Variants in SMARCA1 observed in about 807,000 individuals in gnomAD.
SMARCA1 encodes the protein SNF2 related chromatin remodeling ATPase 1, also known as SWI/SNF-related matrix-associated actin-dependent regulator of chromatin subfamily A member 1.
In SMARCA1, 17 loss-of-function variants were observed where a neutral mutation model predicts 93.6. The observed-to-expected ratio is 0.18, with a 90% CI of 0.12 to 0.27. SMARCA1 has a LOEUF of 0.27. Ranked by LOEUF, SMARCA1 falls within the 10% of genes least tolerant of loss-of-function variation. The pLI is 1.00. For synonymous variants in SMARCA1, 271 were observed against 271.4 expected (o/e 1.00, Z 0.01); for missense variants, 630 against 819.0 (o/e 0.77, Z 2.82).
chrX:129,456,618 A>G (rs775449557), intron 23 of SMARCA1, among the ~76,000 whole-genome samples: 2 of 112,175 alleles, frequency 1.8e-5, no homozygotes, highest in Non-Finnish European at 3.8e-5. Flanking sequence ...CAATATTAAC[A>G]AGAGTTTAGA....
At position 129,499,235 on chromosome X, in the gene SMARCA1, T is replaced by A. The variant is rs1026857374; in HGVS notation, c.1277+497A>T. Among the ~76,000 whole-genome samples the A allele has an allele frequency of 3.8e-4, 42 of 110,949 alleles. No individual in the cohort carries two copies. The Admixed American group carries it at 3.9e-3, about 10-fold the overall frequency. On this transcript the variant is annotated intron_variant, in intron 10 of 24. Coordinates refer to ENST00000371121, the MANE Select transcript of SMARCA1 (RefSeq NM_001282874.2). ...TTTTTTATTTTTTGTAGAGATGGGG[T>A]CTCACTTTGTTGCCCAGGCTAGTCT...
chrX:129,523,221 CGTGGCCGCGGTGGCTTCG>C lies in SMARCA1; in HGVS notation c.132_149del (p.Ala46_Glu51del). On this transcript the variant is annotated inframe_deletion, in exon 1 of 25. Coordinates refer to ENST00000371121, the MANE Select transcript of SMARCA1 (RefSeq NM_001282874.2). ...CCTCCTTCTTCTTCTCGCCCTTCTCCGTGGCCGCGGTGGCTTCGGTGGCCGCGGCGGCCGCTCCCTCCT... is the reference window on the plus strand; with the variant it reads ...CCTCCTTCTTCTTCTCGCCCTTCTCCGTGGCCGCGGCGGCCGCTCCCTCCT... 2.5e-6 allele frequency: 3 copies of C among 1,211,497 alleles called. No individual in the cohort carries two copies. The highest frequency in any genetic ancestry group is 3.5e-5 in the African/African-American group (2 of 57,891).
At chrX:129,454,239 A>G (rs1320488492) in intron 23 of SMARCA1, among the ~76,000 whole-genome samples, 3 of 112,362 alleles carry the variant, frequency 2.7e-5, no homozygotes, top group African/African-American at 9.7e-5. Flanking sequence ...GGCTAGCCAT[A>G]TGCAGAAAAC....
chrX:129,467,640 T>C (rs1325506470), intron 21 of SMARCA1, among the ~76,000 whole-genome samples: 1 of 105,531 alleles, frequency 9.5e-6, no homozygotes, highest in Non-Finnish European at 1.9e-5. Flanking sequence ...AGAAGACTCT[T>C]TTAGATTTCC....
At position 129,490,196 on chromosome X, in the gene SMARCA1, G is replaced by A. The variant is rs776100294; in HGVS notation, c.1816-4C>T. On this transcript the variant is annotated splice_polypyrimidine_tract_variant and splice_region_variant and intron_variant, in intron 14 of 24. Transcript: ENST00000371121. ...GACCAATACGATGTGCTCGATCCTA[G>A]TAGAAAGAGTTCTAATGTAAGATAT... The A allele has an allele frequency of 1.7e-6, 2 of 1,164,159 alleles. No homozygotes were observed. The highest frequency in any genetic ancestry group is 2.3e-6 in the Non-Finnish European group (2 of 863,337).
At chrX:129,485,731 A>T (rs1280250653) in intron 17 of SMARCA1, among the ~76,000 whole-genome samples, 2 of 111,252 alleles carry the variant, frequency 1.8e-5, no homozygotes, top group Admixed American at 9.5e-5. Context: ...TCCTCGAGGT[A>T]ATGAGTGAGT....
At position 129,504,250 on chromosome X, in the gene SMARCA1, C is replaced by A. The variant is rs945099068; in HGVS notation, c.1167+484G>T. The stretch of plus-strand genomic sequence containing the variant: ...CCAAGATCATGCCACTGCACTCCAG[C>A]CTGGCATACAATGTGTTAAGGAGCC... On this transcript the variant is annotated intron_variant, in intron 9 of 24. Coordinates refer to ENST00000371121, the MANE Select transcript of SMARCA1 (RefSeq NM_001282874.2). Among the ~76,000 whole-genome samples, 3 of 112,040 alleles carry A rather than the reference C, an allele frequency of 2.7e-5. No homozygotes were observed. In the South Asian group the frequency reaches 1.1e-3, roughly 41 times the overall value.
At position 129,491,408 on chromosome X, in the gene SMARCA1, TA is replaced by T. The variant is rs928652780; in HGVS notation, c.1815+532del. The stretch of plus-strand genomic sequence containing the variant: ...GAAAGGTCAGAGAAACTTTGCTCCC[TA>T]AAAAAAAATGTTTTTAAGTGTAGAA... On this transcript the variant is annotated intron_variant, in intron 14 of 24. Coordinates refer to ENST00000371121, the MANE Select transcript of SMARCA1 (RefSeq NM_001282874.2). Among the ~76,000 whole-genome samples the T allele has an allele frequency of 1.9e-4, 21 of 109,722 alleles. No individual in the cohort carries two copies. The South Asian group carries it at 3.9e-3, about 20-fold the overall frequency.
intron 1 of SMARCA1, 104 bp from the exon 2 acceptor site, chrX:129,518,551 T>C: frequency 2.2e-6 from 1 of 445,291 alleles, no homozygotes; most frequent in South Asian, 4.3e-5. Context: ...CATAACTAAA[T>C]ATATAAATCA....
At chrX:129,449,096 G>A (rs909062919) in intron 23 of SMARCA1, among the ~76,000 whole-genome samples, 59 of 110,896 alleles carry the variant, frequency 5.3e-4, no homozygotes, top group African/African-American at 1.8e-3. Context: ...TGTTACTATT[G>A]GGGAAAACTG....
At chrX:129,513,774 A>C (rs1166718695) in intron 5 of SMARCA1, among the ~76,000 whole-genome samples, 1 of 109,497 alleles carries the variant, frequency 9.1e-6, no homozygotes, top group Non-Finnish European at 1.9e-5. Flanking sequence ...GAATACCTAA[A>C]TATAAGGAGC....
At chrX:129,507,221 T>G (rs1194756899) in intron 7 of SMARCA1, among the ~76,000 whole-genome samples, 1 of 111,523 alleles carries the variant, frequency 9.0e-6, no homozygotes, top group African/African-American at 3.3e-5. Flanking sequence ...CTTTTCCTAC[T>G]GTTGATGGAG....
chrX:129,481,309 C>T, intron 17 of SMARCA1, 124 bp from the exon 18 acceptor site: 1 of 462,359 alleles, frequency 2.2e-6, no homozygotes. Context: ...CAAAACTTGC[C>T]TTATAAATCA....
intron 10 of SMARCA1, among the ~76,000 whole-genome samples, chrX:129,498,310 T>C (rs1203451022): frequency 8.9e-6 from 1 of 112,074 alleles, no homozygotes; most frequent in Non-Finnish European, 1.9e-5. Context: ...AGTTGACAAT[T>C]ATTTAGAGAA....
chrX:129,475,061 G>A (rs750970095), intron 19 of SMARCA1, among the ~76,000 whole-genome samples: 2 of 109,747 alleles, frequency 1.8e-5, no homozygotes, highest in Non-Finnish European at 3.8e-5. Flanking sequence ...ACCCAGTCCC[G>A]GGTATGTCCT....
At chrX:129,479,458 A>T (rs1043099015) in intron 19 of SMARCA1, among the ~76,000 whole-genome samples, 148 of 109,849 alleles carry the variant, frequency 1.3e-3, no homozygotes, top group Non-Finnish European at 1.4e-3. Flanking sequence ...CACCCTAGAG[A>T]TCTACTCTAG....
At chrX:129,478,844 C>A (rs1407254557) in intron 19 of SMARCA1, among the ~76,000 whole-genome samples, 2 of 111,774 alleles carry the variant, frequency 1.8e-5, no homozygotes, top group African/African-American at 6.5e-5. Flanking sequence ...TAAACACAGT[C>A]CTTATTTAGG....
chrX:129,507,960 A>G lies in SMARCA1; in HGVS notation c.947T>C (p.Ile316Thr). The change falls in exon 7 of 25, where the codon ATA (isoleucine) becomes ACA (threonine). Residue 316 changes from isoleucine to threonine, a missense_variant. Around this residue, in one of 4 missense-constraint regions of SMARCA1, gnomAD observed 382 missense variants for 537.9 expected, o/e 0.71. Transcript: ENST00000371121. ...RYLVIDEAHR[I>T]KNEKSKLSEI... The stretch of plus-strand genomic sequence containing the variant: ...ACTTACCTTAGATTTTTCATTCTTT[A>G]TTCTGTGAGCTTCATCAATGACCAG... The G allele has an allele frequency of 8.6e-7, 1 of 1,162,223 alleles. No homozygotes were observed. Among genetic ancestry groups the G allele is most frequent in the Non-Finnish European group, 1.2e-6 (1 of 868,666 alleles).
intron 12 of SMARCA1, among the ~76,000 whole-genome samples, 182 bp downstream of exon 12, chrX:129,496,568 G>C (rs1319026983): frequency 2.7e-5 from 3 of 111,053 alleles, no homozygotes; most frequent in Non-Finnish European, 5.7e-5. Context: ...TGAAAAAGAT[G>C]ATTTGTAAAG....
Sources: gnomAD v4.1 joint callset for allele counts (sites outside exome capture counted in the v4.1 genomes callset) on GRCh38, gnomAD v4.1.1 for gene constraint, gnomAD v4.1.1 regional missense constraint, MANE v1.5 for transcripts, NCBI Gene and HGNC (gene_info 2026-07-23, HGNC 2026-07-21) for gene names.